Variants in ZNF793 observed in about 807,000 individuals in gnomAD.
ZNF793 encodes the protein zinc finger protein 793.
ZNF793 carries 5 observed loss-of-function variants against 12.4 expected under a neutral mutation model. The ratio of observed to expected loss-of-function variants is 0.40; its 90% confidence interval spans 0.21 to 0.84. The LOEUF (loss-of-function observed/expected upper bound fraction) is 0.84, where lower values mean the gene tolerates loss of function less well. Ranked by LOEUF, ZNF793 falls within the 40% of genes least tolerant of loss-of-function variation. The pLI is 0.35. For missense variants in ZNF793, 456 were observed against 495.0 expected (o/e 0.92, Z 0.75); for synonymous variants, 162 against 172.4 (o/e 0.94, Z 0.47).
Position 37,535,931 on chromosome 19 carries a change from A to C in ZNF793, c.239-966A>C, listed in dbSNP as rs2042501178. 2.6e-5 allele frequency: 4 copies of C among 152,500 alleles called. No homozygotes were observed. In the South Asian group the frequency reaches 8.3e-4, roughly 32 times the overall value. The allele number at this position is 152,500 out of a possible 1,614,324, so 9.4% of individuals were successfully genotyped here. On this transcript the variant is annotated intron_variant, in intron 7 of 7. Transcript: ENST00000627814. ...TAACTGTCATGATCTCAAAGAAGAGATGATTATAAACATAATAATGTGACA... is the reference window on the plus strand; with the variant it reads ...TAACTGTCATGATCTCAAAGAAGAGCTGATTATAAACATAATAATGTGACA...
At chr19:37,524,841 A>G (rs1421471217) in intron 5 of ZNF793, among the ~76,000 whole-genome samples, 1 of 152,206 alleles carries the variant, frequency 6.6e-6, no homozygotes, top group Non-Finnish European at 1.5e-5. Context: ...AAAAGTATGA[A>G]AAACATTGAT....
intron 5 of ZNF793, among the ~76,000 whole-genome samples, chr19:37,532,154 C>T (rs980200372): frequency 6.6e-6 from 1 of 151,952 alleles, no homozygotes; most frequent in Non-Finnish European, 1.5e-5. Context: ...GCTGAGATTA[C>T]AAGTGTGCAC....
chr19:37,538,332 G>A lies in ZNF793; in HGVS notation c.*453G>A, dbSNP rs1033235025. The A allele has an allele frequency of 1.9e-5, 3 of 154,012 alleles. No individual in the cohort carries two copies. The highest frequency in any genetic ancestry group is 4.3e-5 in the Non-Finnish European group (3 of 69,384). 9.5% of individuals were successfully genotyped at this position (154,012 alleles called of 1,614,324 possible). On this transcript the variant is annotated 3_prime_UTR_variant, in exon 8 of 8. Transcript: ENST00000627814. ...TGTATTCTCTGTTTCCCAGGCTGGA[G>A]TGCAATGGCACTATCTCGGCTCACT...
chr19:37,516,600 A>G (rs1265817082), intron 2 of ZNF793, among the ~76,000 whole-genome samples: 1 of 152,126 alleles, frequency 6.6e-6, no homozygotes, highest in African/African-American at 2.4e-5. Flanking sequence ...CCATGCTGCT[A>G]GAAGAGTGCC....
chr19:37,507,310 C>T (rs1399470254), intron 1 of ZNF793: 1 of 152,410 alleles, frequency 6.6e-6, no homozygotes, highest in African/African-American at 2.4e-5. Context: ...TGCATGGGGT[C>T]AGTAATAGTG....
chr19:37,532,014 A>ATTTTTTTTTTTTTTTTTTTTT lies in ZNF793; in HGVS notation c.16-342_16-341insTTTTTTTTTTTTTTTTTTTTT, dbSNP rs560896331. Among the ~76,000 whole-genome samples, 3 of 141,370 alleles carry ATTTTTTTTTTTTTTTTTTTTT rather than the reference A, an allele frequency of 2.1e-5. 1 individual carries two copies. Among genetic ancestry groups the ATTTTTTTTTTTTTTTTTTTTT allele is most frequent in the African/African-American group, 5.1e-5 (2 of 39,102 alleles). 92.7% of individuals were successfully genotyped at this position (141,370 alleles called of 152,430 possible). ...AAAATCAGCACCATCTCTTGCACAAAATTTTTTTTTTTTTTTTTTGAGATG... is the reference window on the plus strand; with the variant it reads ...AAAATCAGCACCATCTCTTGCACAAATTTTTTTTTTTTTTTTTTTTTATTTTTTTTTTTTTTTTTTGAGATG... On this transcript the variant is annotated intron_variant, in intron 5 of 7. Transcript: ENST00000627814.
At chr19:37,507,811 T>C (rs1226423526) in intron 1 of ZNF793, among the ~76,000 whole-genome samples, 1 of 152,212 alleles carries the variant, frequency 6.6e-6, no homozygotes, top group Non-Finnish European at 1.5e-5. Context: ...ATCGGTGTTC[T>C]TTGTAGTTAC....
At chr19:37,530,220 A>G (rs965712867) in intron 5 of ZNF793, among the ~76,000 whole-genome samples, 9 of 152,250 alleles carry the variant, frequency 5.9e-5, no homozygotes, top group Non-Finnish European at 1.2e-4. Context: ...AGTAGATGGA[A>G]TATACAATCG....
intron 3 of ZNF793, among the ~76,000 whole-genome samples, chr19:37,521,004 T>C (rs570334776): frequency 1.3e-5 from 2 of 152,038 alleles, no homozygotes; most frequent in African/African-American, 2.4e-5. Context: ...TTTTTTTTTT[T>C]CGAGATGAAG....
intron 2 of ZNF793, among the ~76,000 whole-genome samples, chr19:37,516,373 G>A (rs1424389878): frequency 6.6e-6 from 1 of 152,142 alleles, no homozygotes; most frequent in Non-Finnish European, 1.5e-5. Context: ...GACCTCAGGT[G>A]ATCTACCTGC....
intron 7 of ZNF793, 38 bp from the exon 8 acceptor site, chr19:37,536,859 T>G (rs761075849): frequency 1.3e-6 from 2 of 1,550,394 alleles, no homozygotes; most frequent in South Asian, 2.5e-5. Flanking sequence ...TTAAGTAGTA[T>G]GAAGTTTCAT....
intron 5 of ZNF793, among the ~76,000 whole-genome samples, chr19:37,529,928 G>A (rs1206386436): frequency 6.6e-6 from 1 of 151,920 alleles, no homozygotes; most frequent in Non-Finnish European, 1.5e-5. Flanking sequence ...GGGTACCAGT[G>A]TTCAGCATAC....
At chr19:37,526,091 C>T (rs1034597851) in intron 5 of ZNF793, among the ~76,000 whole-genome samples, 4 of 152,102 alleles carry the variant, frequency 2.6e-5, no homozygotes, top group African/African-American at 9.7e-5. Flanking sequence ...TTGACTTCCT[C>T]CCTACTTTTC....
At chr19:37,512,239 C>A (rs757609310) in intron 2 of ZNF793, among the ~76,000 whole-genome samples, 4 of 151,912 alleles carry the variant, frequency 2.6e-5, no homozygotes, top group Non-Finnish European at 5.9e-5. Context: ...AGAATAGGCC[C>A]GGTGTGGTGG....
chr19:37,527,939 T>C (rs1488367999), intron 5 of ZNF793, among the ~76,000 whole-genome samples: 2 of 150,040 alleles, frequency 1.3e-5, no homozygotes, highest in African/African-American at 2.5e-5. Flanking sequence ...GACAACATGG[T>C]GAAACCCTGT....
chr19:37,533,221 A>G (rs762699060), intron 6 of ZNF793, 87 bp from the exon 7 acceptor site: 4 of 1,080,968 alleles, frequency 3.7e-6, no homozygotes, highest in Non-Finnish European at 2.8e-6. Context: ...CAAGTATAAC[A>G]TCTATTGTGC....
intron 7 of ZNF793, chr19:37,533,695 T>G (rs2042480864): frequency 2.1e-6 from 1 of 479,928 alleles, no homozygotes; most frequent in East Asian, 3.2e-5. Flanking sequence ...CTGCTTCCTA[T>G]TCTCTGTTGT....
chr19:37,518,982 T>C (rs1470448609), intron 2 of ZNF793, among the ~76,000 whole-genome samples: 1 of 152,032 alleles, frequency 6.6e-6, no homozygotes, highest in Admixed American at 6.6e-5. Context: ...AAAATTCTGA[T>C]AGGGCTGGGC....
At chr19:37,532,320 T>G (rs756969751) in intron 5 of ZNF793, 36 bp from the exon 6 acceptor site, 1 of 1,597,880 alleles carries the variant, frequency 6.3e-7, no homozygotes. Flanking sequence ...AAACATTTTT[T>G]TTCGACATGA....
Sources: allele counts gnomAD v4.1 joint callset (sites outside exome capture counted in the v4.1 genomes callset), GRCh38; gene constraint gnomAD v4.1.1; transcripts MANE v1.5; gene names NCBI Gene and HGNC (gene_info 2026-07-23, HGNC 2026-07-21).